MYO9A: variants seen among roughly 807,000 people sequenced by gnomAD.
The protein encoded by MYO9A is myosin IXA.
A neutral mutation model predicts 293.3 loss-of-function variants in MYO9A; 103 were observed. That is an observed-to-expected ratio of 0.35 (90% CI 0.30 to 0.41). MYO9A has a LOEUF of 0.41. Among genes scored for constraint, MYO9A ranks in the 10% least tolerant of loss-of-function variants. The pLI is 1.00. For missense variants in MYO9A, 2,685 were observed against 3,033.0 expected, an observed-to-expected ratio of 0.89 and a Z score of 2.69; for synonymous variants, 1,001 against 1,035.7, an observed-to-expected ratio of 0.97 and a Z score of 0.64.
chr15:72,084,745 T>C, intron 1 of MYO9A, among the ~76,000 whole-genome samples: 1 of 152,232 alleles, frequency 6.6e-6, no homozygotes. Context: ...GGATAAGAAA[T>C]TCTTGGTTGG....
At chr15:71,955,032 ACCC>A (rs373709182) in intron 14 of MYO9A, among the ~76,000 whole-genome samples, 2 of 151,396 alleles carry the variant, frequency 1.3e-5, no homozygotes, top group African/African-American at 4.9e-5. Flanking sequence ...CATTTCTATC[ACCC>A]CCCCAAGTTA....
At chr15:72,070,128 C>CAAA (rs936332297) in intron 1 of MYO9A, among the ~76,000 whole-genome samples, 64 of 49,026 alleles carry the variant, frequency 1.3e-3, no homozygotes, top group African/African-American at 3.9e-3. Context: ...GACTATGTCT[C>CAAA]AAAAAAAAAA....
At position 71,828,195 on chromosome 15, in the gene MYO9A, T is replaced by TA. The variant is rs139814275; in HGVS notation, c.7041-170dup. Reference sequence around the variant, plus strand: ...CCTGTATGCCAAATATGGTGAAGGCTAAAACTATATGGACTAAAGGACAAA... The same window carrying TA: ...CCTGTATGCCAAATATGGTGAAGGCTAAAAACTATATGGACTAAAGGACAAA... On this transcript the variant is annotated intron_variant, in intron 40 of 41. Coordinates refer to ENST00000356056, the MANE Select transcript of MYO9A (RefSeq NM_006901.4). Among the ~76,000 whole-genome samples the TA allele has an allele frequency of 7.2e-3, 1,097 of 152,258 alleles. 7 individuals carry two copies. Among genetic ancestry groups the TA allele is most frequent in the Middle Eastern group, 0.017 (5 of 294 alleles).
intron 14 of MYO9A, chr15:71,958,425 A>G (rs955928556): frequency 3.3e-5 from 5 of 152,206 alleles, no homozygotes; most frequent in African/African-American, 1.2e-4. Flanking sequence ...TGGCATTGAC[A>G]CTGATATATT....
In MYO9A at chr15:71,825,369, T is replaced by G. The variant is rs1031241670; in HGVS notation, c.*1211A>C. Reference sequence around the variant, plus strand: ...GAAATATGCCTACTATACATACATATTTACAATAAACTTCAGTAACCAGAA... The same window carrying G: ...GAAATATGCCTACTATACATACATAGTTACAATAAACTTCAGTAACCAGAA... On this transcript the variant is annotated 3_prime_UTR_variant, in exon 42 of 42. Transcript: ENST00000356056. The G allele has an allele frequency of 9.9e-5, 15 of 152,170 alleles. No homozygotes were observed. Among genetic ancestry groups the G allele is most frequent in the Admixed American group, 8.5e-4 (13 of 15,264 alleles). 9.4% of individuals were successfully genotyped at this position (152,170 alleles called of 1,614,324 possible). A position where few individuals can be genotyped will look rare whatever the true frequency, so the allele number is the denominator to read the frequency against.
At chr15:72,030,564 G>T (rs138456671) in intron 3 of MYO9A, among the ~76,000 whole-genome samples, 196 of 151,622 alleles carry the variant, frequency 1.3e-3, no homozygotes, top group African/African-American at 4.1e-3. Context: ...TTTTTTGGAG[G>T]AGTCTTGCTC....
At chr15:72,005,538 C>A (rs1444704883) in intron 8 of MYO9A, among the ~76,000 whole-genome samples, 2 of 152,160 alleles carry the variant, frequency 1.3e-5, no homozygotes, top group Non-Finnish European at 2.9e-5. Flanking sequence ...CCTTTATGAT[C>A]TTCAAAATTA....
At chr15:72,106,721 C>T (rs1251709072) in intron 1 of MYO9A, among the ~76,000 whole-genome samples, 1 of 152,118 alleles carries the variant, frequency 6.6e-6, no homozygotes, top group Non-Finnish European at 1.5e-5. Flanking sequence ...CCACCTTAGG[C>T]TCCCAAAGTG....
chr15:71,887,720 C>G (rs2057063025), intron 27 of MYO9A, among the ~76,000 whole-genome samples: 1 of 152,088 alleles, frequency 6.6e-6, no homozygotes, highest in Admixed American at 6.6e-5. Context: ...CACTAACTTG[C>G]TTATTTTTCT....
chr15:72,043,808 T>C (rs1346119465), intron 2 of MYO9A, among the ~76,000 whole-genome samples: 2 of 152,158 alleles, frequency 1.3e-5, no homozygotes, highest in Non-Finnish European at 2.9e-5. Flanking sequence ...GTTTATCATG[T>C]TATACACTTT....
intron 30 of MYO9A, 79 bp downstream of exon 30, chr15:71,879,642 T>G: frequency 2.0e-6 from 2 of 1,015,426 alleles, no homozygotes; most frequent in Non-Finnish European, 2.9e-6. Flanking sequence ...GAAACATGGC[T>G]TTTGTATTAT....
chr15:71,960,378 C>A, intron 13 of MYO9A: 1 of 329,748 alleles, frequency 3.0e-6, no homozygotes, highest in Non-Finnish European at 5.6e-6. Flanking sequence ...CCATCTCGTT[C>A]CCTCTCTCTT....
Position 71,903,036 on chromosome 15 carries a change from G to T in MYO9A, c.2905C>A (p.Leu969Ile), listed in dbSNP as rs1366648920. 5 of 1,588,814 alleles carry T rather than the reference G, an allele frequency of 3.1e-6. No individual in the cohort carries two copies. The highest frequency in any genetic ancestry group is 4.3e-6 in the Non-Finnish European group (5 of 1,165,192). ...TTGGATGGAATAATATTTCGGGGAA[G>T]AAGTACATGGAAGTGGCTCACAAAA... ...QDFVSHFHVL[L>I]PRNIIPSKFN... is the part of the protein sequence containing the mutation. Residue 969 changes from leucine (L) to isoleucine (I), a missense_variant, in exon 22 of 42, where the codon CTT (leucine) becomes ATT (isoleucine). Leu to Ile is a conservative substitution (Grantham distance 5). Coordinates refer to ENST00000356056, the MANE Select transcript of MYO9A (RefSeq NM_006901.4).
At chr15:71,958,791 GTTGT>G (rs1567318335) in intron 14 of MYO9A, 1 of 152,170 alleles carries the variant, frequency 6.6e-6, no homozygotes, top group African/African-American at 2.4e-5. Context: ...GAAAATACAG[GTTGT>G]TTATCATTAA....
chr15:71,853,840 T>C (rs907983349), intron 35 of MYO9A, among the ~76,000 whole-genome samples: 5 of 152,166 alleles, frequency 3.3e-5, no homozygotes, highest in Non-Finnish European at 5.9e-5. Flanking sequence ...AGAGTACCCC[T>C]TGGAGTCAGA....
intron 26 of MYO9A, chr15:71,893,218 TG>T (rs1311801318): frequency 1.6e-6 from 2 of 1,219,942 alleles, no homozygotes; most frequent in Non-Finnish European, 1.0e-6. Flanking sequence ...CAACAATGTT[TG>T]GGGTTTTTGT....
At chr15:72,001,007 C>T (rs1200953070) in intron 8 of MYO9A, among the ~76,000 whole-genome samples, 1 of 152,122 alleles carries the variant, frequency 6.6e-6, no homozygotes, top group South Asian at 2.1e-4. Flanking sequence ...TTAGAGCATA[C>T]ATATTTTCAG....
intron 12 of MYO9A, among the ~76,000 whole-genome samples, chr15:71,969,622 G>T (rs1055322722): frequency 6.6e-6 from 1 of 151,916 alleles, no homozygotes; most frequent in Non-Finnish European, 1.5e-5. Flanking sequence ...TCTAGGTCAG[G>T]GTTTATTTGC....
intron 15 of MYO9A, among the ~76,000 whole-genome samples, chr15:71,945,648 A>AAAT (rs1408719472): frequency 6.6e-6 from 1 of 152,140 alleles, no homozygotes; most frequent in Admixed American, 6.5e-5. Context: ...ACTTTTCCTT[A>AAAT]AATAGGAAGT....
Sources: allele counts gnomAD v4.1 joint callset (sites outside exome capture counted in the v4.1 genomes callset), GRCh38; gene constraint gnomAD v4.1.1; transcripts MANE v1.5; gene names NCBI Gene and HGNC (gene_info 2026-07-23, HGNC 2026-07-21).